The following ABCA7 variants were observed in gnomAD, a reference collection of about 807,000 sequenced individuals.
ABCA7 encodes ATP binding cassette subfamily A member 7, also known as phospholipid-transporting ATPase ABCA7.
Under a neutral mutation model 227.6 loss-of-function variants are expected in ABCA7, and 261 were observed. That is an observed-to-expected ratio of 1.15 (90% CI 1.04 to 1.27). The LOEUF is 1.27. ABCA7 is among the 50% of genes most tolerant of loss of function. ABCA7 has a pLI of 0.00. For synonymous variants in ABCA7, 1,488 were observed against 1,279.7 expected, an observed-to-expected ratio of 1.16 and a Z score of -3.47; for missense variants, 3,331 against 2,924.5, an observed-to-expected ratio of 1.14 and a Z score of -3.21.
chr19:1,043,636 A>T (rs1342888574), intron 9 of ABCA7, 89 bp from the exon 10 acceptor site: 1 of 1,528,882 alleles, frequency 6.5e-7, no homozygotes, highest in East Asian at 2.3e-5. Flanking sequence ...GATCAGAGGC[A>T]CACGCAGGAG....
intron 45 of ABCA7, chr19:1,064,546 A>G: frequency 3.1e-6 from 1 of 327,868 alleles, no homozygotes. Flanking sequence ...TGATGGGTGG[A>G]GTTAGGGGAG....
chr19:1,057,148 T>A, intron 34 of ABCA7, 64 bp downstream of exon 34: 4 of 1,572,386 alleles, frequency 2.5e-6, no homozygotes, highest in Middle Eastern at 1.8e-4. Context: ...GTCTGGCCCC[T>A]TGTAGGCAGG....
chr19:1,054,383 A>C lies in ABCA7; in HGVS notation c.3726+42A>C. ...CCAGGGAGTCGCATGGGAGTCCCTG[A>C]GTTCCCTACCCTGGCCGTCCACTCA... is the stretch of plus-strand genomic sequence containing the variant. On this transcript the variant is annotated intron_variant, in intron 27 of 46. Transcript: ENST00000263094. This position sits in a 1 kb window ranked among gnomAD's most constrained non-coding sequence, Gnocchi z 4.8. 6.4e-7 allele frequency: 1 copy of C among 1,567,226 alleles called. No homozygotes were observed. Among genetic ancestry groups the C allele is most frequent in the Non-Finnish European group, 8.6e-7 (1 of 1,160,244 alleles).
chr19:1,051,701 C>G (rs1336768398), intron 21 of ABCA7, 115 bp downstream of exon 21: 7 of 1,151,136 alleles, frequency 6.1e-6, no homozygotes, highest in Non-Finnish European at 8.5e-6. Flanking sequence ...CCACTTGTTG[C>G]TATGGCATTT....
At chr19:1,049,151 C>A in intron 17 of ABCA7, 115 bp from the exon 18 acceptor site, 2 of 1,290,378 alleles carry the variant, frequency 1.5e-6, no homozygotes, top group Non-Finnish European at 2.2e-6. Context: ...CAAGCTCCCG[C>A]AGCTTTTATA....
chr19:1,040,530 C>A (rs779620905), intron 1 of ABCA7, among the ~76,000 whole-genome samples: 41 of 152,324 alleles, frequency 2.7e-4, no homozygotes, highest in Admixed American at 5.9e-4. Flanking sequence ...GCGTAAGGGT[C>A]TGGGTCTGAG....
intron 41 of ABCA7, 68 bp downstream of exon 41, chr19:1,061,956 C>G (rs1367846814): frequency 6.8e-7 from 1 of 1,477,564 alleles, no homozygotes; most frequent in East Asian, 2.3e-5. Flanking sequence ...TTCCCCACCC[C>G]TCCACCTCCA....
intron 12 of ABCA7, among the ~76,000 whole-genome samples, 177 bp from the exon 13 acceptor site, chr19:1,046,053 C>T (rs531773923): frequency 3.9e-5 from 6 of 152,236 alleles, no homozygotes; most frequent in Admixed American, 6.5e-5. Context: ...CTTGGGAGGC[C>T]GAGCTGGGGG....
intron 23 of ABCA7, among the ~76,000 whole-genome samples, chr19:1,052,696 AG>A (rs1191255640): frequency 3.3e-5 from 3 of 89,902 alleles, no homozygotes; most frequent in Non-Finnish European, 7.0e-5. Flanking sequence ...TAGGAGGGAG[AG>A]GAGGAGGAGG....
chr19:1,042,035 C>A (rs768333996), intron 4 of ABCA7, 29 bp from the exon 5 acceptor site: 2 of 1,583,970 alleles, frequency 1.3e-6, no homozygotes, highest in Admixed American at 3.5e-5. Flanking sequence ...CGGCCGGAAC[C>A]CCGCCTCCTG....
At position 1,047,261 on chromosome 19, in the gene ABCA7, C is replaced by G. The variant is rs370467697; in HGVS notation, c.1950C>G (p.Phe650Leu). 18 of 1,607,318 alleles carry G rather than the reference C, an allele frequency of 1.1e-5. No individual in the cohort carries two copies. The African/African-American group carries it at 1.6e-4, about 14-fold the overall frequency. Residue 650 changes from phenylalanine (F) to leucine (L), a missense_variant, in exon 15 of 47, where the codon TTC (phenylalanine) becomes TTG (leucine). Physicochemically the swap from Phe to Leu is conservative, Grantham distance 22. Coordinates refer to ENST00000263094, the MANE Select transcript of ABCA7 (RefSeq NM_019112.4). ...AGAGCTTCCTGCTCAGCGCCTTCTT[C>G]TCCCGCGCCAACCTGGCTGCGGCCT... ...VTQSFLLSAF[F>L]SRANLAAACG...
chr19:1,058,735 A>C lies in ABCA7; in HGVS notation c.5267A>C (p.Gln1756Pro). The C allele has an allele frequency of 6.2e-7, 1 of 1,613,820 alleles. No individual in the cohort carries two copies. Among genetic ancestry groups the C allele is most frequent in the South Asian group, 1.1e-5 (1 of 91,078 alleles). The change falls in exon 38 of 47, where the codon CAA becomes CCA. Residue 1756 changes from glutamine (Q) to proline (P), a missense_variant. Physicochemically the swap from Gln to Pro is moderately conservative, Grantham distance 76 (BLOSUM62 -1). Coordinates refer to ENST00000263094, the MANE Select transcript of ABCA7 (RefSeq NM_019112.4). ...LFTLLLQHRS[Q>P]LLPQPRVRSL... is the part of the protein sequence containing the mutation. ...ACACTACTGCTGCAGCACCGAAGCC[A>C]ACTCCTGCCACAGTTAGTGAGGTCT...
Position 1,046,778 on chromosome 19 carries a change from C to G in ABCA7, c.1623-24C>G, listed in dbSNP as rs1276712472. 2.0e-6 allele frequency: 3 copies of G among 1,532,498 alleles called. 1 individual carries two copies. The highest frequency in any genetic ancestry group is 8.7e-7 in the Non-Finnish European group (1 of 1,144,114). The allele number at this position is 1,532,498 out of a possible 1,614,324, so 94.9% of individuals were successfully genotyped here. A position where few individuals can be genotyped will look rare whatever the true frequency, so the allele number is the denominator to read the frequency against. On this transcript the variant is annotated intron_variant, in intron 13 of 46. Transcript: ENST00000263094. ...GGGGTCTGCGGAGGGTCTCCAGCCT[C>G]CACCCCAGCCGTCCCCACCCCAGGT...
intron 39 of ABCA7, 37 bp downstream of exon 39, chr19:1,058,977 C>G: frequency 6.2e-7 from 1 of 1,612,870 alleles, no homozygotes; most frequent in Non-Finnish European, 8.5e-7. Context: ...GTGGGGGGTG[C>G]TCCCACTGGC....
At chr19:1,049,245 G>C in intron 17 of ABCA7, 21 bp from the exon 18 acceptor site, 1 of 1,577,870 alleles carries the variant, frequency 6.3e-7, no homozygotes, top group Non-Finnish European at 8.6e-7. Flanking sequence ...CTCCATGGCT[G>C]AGTCCACCCC....
chr19:1,045,223 C>A lies in ABCA7; in HGVS notation c.1437C>A (p.Ile479=). ...DIDVVTRTNK[I]RDRFWDPGPA... ...ACGTGGTCACGAGGACCAATAAGAT[C>A]AGGGACAGGTCAGGCGAGGGAGGGG... Residue 479 remains isoleucine, a synonymous_variant, in exon 12 of 47, where the codon ATC becomes ATA. Coordinates refer to ENST00000263094, the MANE Select transcript of ABCA7 (RefSeq NM_019112.4). The A allele has an allele frequency of 6.2e-7, 1 of 1,604,532 alleles. No homozygotes were observed. The highest frequency in any genetic ancestry group is 8.5e-7 in the Non-Finnish European group (1 of 1,174,350).
intron 6 of ABCA7, 59 bp from the exon 7 acceptor site, chr19:1,042,687 G>T (rs1368496104): frequency 1.3e-6 from 2 of 1,544,100 alleles, no homozygotes; most frequent in Non-Finnish European, 9.0e-7. Flanking sequence ...ACTGGCCAGA[G>T]CGCTGGACCC....
chr19:1,053,901 C>A (rs1223251533), intron 25 of ABCA7, 65 bp downstream of exon 25: 7 of 1,592,120 alleles, frequency 4.4e-6, no homozygotes, highest in Non-Finnish European at 6.0e-6. Flanking sequence ...AGGTCCCCAT[C>A]CCTGGCTTAG....
In ABCA7 at chr19:1,042,065, G is replaced by A. The variant is rs775890967; in HGVS notation, c.304G>A (p.Val102Ile). ...CTCCTGCCCTCTCTCTGTCCCCAGG[G>A]TCTCCCGGCTGCTAGCCGATGCCCG... is the stretch of plus-strand genomic sequence containing the variant. ...GRLSNFNDSL[V>I]SRLLADARTV... The change falls in exon 5 of 47, where the codon GTC (valine) becomes ATC (isoleucine). Residue 102 changes from valine to isoleucine, a missense_variant and splice_region_variant. Transcript: ENST00000263094. The A allele has an allele frequency of 1.9e-6, 3 of 1,592,154 alleles. No individual in the cohort carries two copies. The Admixed American group carries it at 5.1e-5, about 27-fold the overall frequency.
Sources: allele counts gnomAD v4.1 joint callset (sites outside exome capture counted in the v4.1 genomes callset), GRCh38; gene constraint gnomAD v4.1.1; non-coding constraint Gnocchi (gnomAD v3.1); transcripts MANE v1.5; gene names NCBI Gene and HGNC (gene_info 2026-07-23, HGNC 2026-07-21).